ATP11A: variants seen among roughly 807,000 people sequenced by gnomAD.
The protein encoded by ATP11A is phospholipid-transporting ATPase IH.
In ATP11A, 81 loss-of-function variants were observed where a neutral mutation model predicts 154.4. The ratio of observed to expected loss-of-function variants is 0.52; its 90% CI spans 0.44 to 0.63. The LOEUF (loss-of-function observed/expected upper bound fraction) is 0.63. ATP11A is among the 30% of genes least tolerant of loss of function. The probability of loss-of-function intolerance (pLI) is 0.00; values close to 1 mark genes in which losing one functional copy is unlikely to be tolerated. For synonymous variants in ATP11A, 623 were observed against 585.9 expected (o/e 1.06, Z -0.91); for missense variants, 1,316 against 1,474.3 (o/e 0.89, Z 1.76).
At chr13:112,745,761 A>G (rs755682886) in intron 1 of ATP11A, 1 of 152,178 alleles carries the variant, frequency 6.6e-6, no homozygotes. Flanking sequence ...ATAATTTTCT[A>G]AAGTTTTGAA....
intron 2 of ATP11A, among the ~76,000 whole-genome samples, chr13:112,792,440 T>TA (rs1315856032): frequency 3.9e-5 from 6 of 152,076 alleles, no homozygotes; most frequent in African/African-American, 9.6e-5. Context: ...GATTTCTACC[T>TA]AAAAAAAAGA....
chr13:112,876,708 G>A (rs1326845290), intron 28 of ATP11A, among the ~76,000 whole-genome samples: 3 of 152,390 alleles, frequency 2.0e-5, no homozygotes, highest in South Asian at 4.1e-4. Context: ...GGGGAAATGA[G>A]GGGTGGGGGC....
intron 1 of ATP11A, among the ~76,000 whole-genome samples, chr13:112,729,049 A>G (rs1171339407): frequency 1.3e-5 from 2 of 152,214 alleles, no homozygotes; most frequent in Non-Finnish European, 2.9e-5. Context: ...CATTTAAAGC[A>G]AAGGCTTTGT....
Position 112,806,257 on chromosome 13 carries a change from A to T in ATP11A, c.297A>T (p.Pro99=). 1 of 1,613,608 alleles carries T rather than the reference A, an allele frequency of 6.2e-7. No individual in the cohort carries two copies. Among genetic ancestry groups the T allele is most frequent in the Non-Finnish European group, 8.5e-7 (1 of 1,179,754 alleles). Residue 99 remains proline (P), a synonymous_variant, in exon 4 of 30, where the codon CCA becomes CCT. Coordinates refer to ENST00000375645, the MANE Select transcript of ATP11A (RefSeq NM_015205.3). Reference sequence around the variant, plus strand: ...CAAGTCCAGTGACAAGCGGACTTCCACTCTTCTTTGTCATTACTGTGACGG... The same window carrying T: ...CAAGTCCAGTGACAAGCGGACTTCCTCTCTTCTTTGTCATTACTGTGACGG... ...TPTSPVTSGL[P]LFFVITVTAI...
At chr13:112,844,568 C>G (rs1242159426) in intron 17 of ATP11A, among the ~76,000 whole-genome samples, 1 of 152,224 alleles carries the variant, frequency 6.6e-6, no homozygotes, top group Non-Finnish European at 1.5e-5. Context: ...CTGGAGCTTC[C>G]TATCAGCAGA....
At chr13:112,724,943 G>A (rs963607978) in intron 1 of ATP11A, among the ~76,000 whole-genome samples, 3 of 152,182 alleles carry the variant, frequency 2.0e-5, no homozygotes, top group African/African-American at 7.2e-5. Context: ...CACCCCTGCG[G>A]CCATGCCTGT....
chr13:112,818,171 AG>A (rs2078695876), intron 6 of ATP11A, among the ~76,000 whole-genome samples: 1 of 134,976 alleles, frequency 7.4e-6, no homozygotes. Flanking sequence ...GCTTGGTGAC[AG>A]GGCGGTGACC....
chr13:112,854,664 A>G, intron 19 of ATP11A, 134 bp downstream of exon 19: 2 of 1,075,788 alleles, frequency 1.9e-6, no homozygotes, highest in South Asian at 1.6e-5. Flanking sequence ...CATTAATGCC[A>G]GCTTCTTAGG....
intron 1 of ATP11A, among the ~76,000 whole-genome samples, chr13:112,726,190 A>G (rs1889866221): frequency 6.6e-6 from 1 of 151,384 alleles, no homozygotes; most frequent in East Asian, 2.0e-4. Context: ...GTGTGCATGC[A>G]AAGAGAAGGC....
intron 1 of ATP11A, among the ~76,000 whole-genome samples, chr13:112,715,111 T>C: frequency 6.6e-6 from 1 of 152,192 alleles, no homozygotes; most frequent in Admixed American, 6.5e-5. Flanking sequence ...CGCCGTTCCT[T>C]TGCATGGATA....
rs909858916 is a variant in ATP11A, at chr13:112,807,178, G to A, written c.333+885G>A. On this transcript the variant is annotated intron_variant, in intron 4 of 29. Transcript: ENST00000375645. The surrounding 1 kb of genome is among the most constrained non-coding windows in gnomAD (Gnocchi z 4.5). ...GGCGAGGGAGGCACCACGGGCCGCC[G>A]GCAGGAGCGTGGCGGAGCCACCAAG... is the stretch of plus-strand genomic sequence containing the variant. Among the ~76,000 whole-genome samples, 7 of 152,224 alleles carry A rather than the reference G, an allele frequency of 4.6e-5. No homozygotes were observed. The highest frequency in any genetic ancestry group is 1.2e-4 in the African/African-American group (5 of 41,456).
intron 1 of ATP11A, among the ~76,000 whole-genome samples, chr13:112,709,869 CTTG>C (rs1374249576): frequency 2.0e-5 from 3 of 152,288 alleles, no homozygotes; most frequent in Non-Finnish European, 4.4e-5. Flanking sequence ...GAGTTTGACT[CTTG>C]TTGTCAACTG....
intron 11 of ATP11A, among the ~76,000 whole-genome samples, chr13:112,825,967 C>T (rs865864623): frequency 5.9e-5 from 9 of 152,206 alleles, no homozygotes; most frequent in Admixed American, 5.9e-4. Flanking sequence ...AAACCGAGAC[C>T]TGTGTCCACT....
chr13:112,702,085 C>T (rs1886617813), intron 1 of ATP11A, among the ~76,000 whole-genome samples: 1 of 152,016 alleles, frequency 6.6e-6, no homozygotes, highest in East Asian at 1.9e-4. Context: ...ATGGGTCAAG[C>T]CTGTAATCCC....
At chr13:112,776,719 C>G (rs996189946) in intron 1 of ATP11A, among the ~76,000 whole-genome samples, 1 of 152,180 alleles carries the variant, frequency 6.6e-6, no homozygotes, top group Non-Finnish European at 1.5e-5. Context: ...GCCTCAGCCC[C>G]CCAAGTAGCT....
chr13:112,876,323 G>A (rs1393551069), intron 28 of ATP11A, among the ~76,000 whole-genome samples: 1 of 152,102 alleles, frequency 6.6e-6, no homozygotes, highest in African/African-American at 2.4e-5. Context: ...ATCAGGAAAT[G>A]CTGGTATTGG....
At chr13:112,756,761 C>A (rs2076845030) in intron 1 of ATP11A, among the ~76,000 whole-genome samples, 1 of 148,280 alleles carries the variant, frequency 6.7e-6, no homozygotes, top group Admixed American at 6.7e-5. Flanking sequence ...TGGTGTCTGA[C>A]GATTTCCACA....
chr13:112,857,664 G>A (rs2079968985), intron 20 of ATP11A, among the ~76,000 whole-genome samples, 154 bp from the exon 21 acceptor site: 1 of 152,156 alleles, frequency 6.6e-6, no homozygotes, highest in African/African-American at 2.4e-5. Flanking sequence ...CCTATATGGA[G>A]AAAACAGACA....
chr13:112,870,933 G>T (rs1172240157), intron 25 of ATP11A, among the ~76,000 whole-genome samples: 1 of 151,290 alleles, frequency 6.6e-6, no homozygotes, highest in African/African-American at 2.4e-5. Context: ...GTGTGTCTGT[G>T]TCTGTGCTGC....
Sources: gnomAD v4.1 joint callset for allele counts (sites outside exome capture counted in the v4.1 genomes callset) on GRCh38, gnomAD v4.1.1 for gene constraint, Gnocchi (gnomAD v3.1) non-coding constraint, MANE v1.5 for transcripts, NCBI Gene and HGNC (gene_info 2026-07-23, HGNC 2026-07-21) for gene names.